FHIT: variants seen among roughly 807,000 people sequenced by gnomAD.
The protein encoded by FHIT is fragile histidine triad diadenosine triphosphatase.
Under a neutral mutation model 17.9 loss-of-function variants are expected in FHIT, and 19 were observed. The ratio of observed to expected loss-of-function variants is 1.06; its 90% CI spans 0.74 to 1.56. FHIT has a LOEUF of 1.56. Ranked by LOEUF, FHIT falls within the 40% of genes most tolerant of loss-of-function variation. The probability of loss-of-function intolerance (pLI) is 0.00; values close to 1 mark genes in which losing one functional copy is unlikely to be tolerated. For missense variants in FHIT, 248 were observed against 189.2 expected (o/e 1.31, Z -1.82); for synonymous variants, 81 against 69.7 (o/e 1.16, Z -0.81).
chr3:60,494,322 T>C (rs550652075), intron 5 of FHIT, among the ~76,000 whole-genome samples: 1 of 152,188 alleles, frequency 6.6e-6, no homozygotes, highest in Non-Finnish European at 1.5e-5. Flanking sequence ...TTTTAGTGTA[T>C]AGTTTTAATT....
At chr3:60,888,846 T>C (rs781237134) in intron 3 of FHIT, among the ~76,000 whole-genome samples, 9 of 152,206 alleles carry the variant, frequency 5.9e-5, no homozygotes, top group Non-Finnish European at 1.2e-4. Flanking sequence ...AGACAGATCT[T>C]TTGTATCCAT....
intron 7 of FHIT, among the ~76,000 whole-genome samples, chr3:59,994,928 A>G (rs1032175436): frequency 2.0e-5 from 3 of 152,112 alleles, no homozygotes. Context: ...AACAGATGGC[A>G]GAGTGTTTGC....
At chr3:60,332,925 A>C (rs1045377727) in intron 5 of FHIT, among the ~76,000 whole-genome samples, 1 of 152,212 alleles carries the variant, frequency 6.6e-6, no homozygotes, top group Admixed American at 6.5e-5. Context: ...CCTAGACACC[A>C]CTTAACGAAA....
chr3:61,015,698 T>A (rs2032071105), intron 3 of FHIT, among the ~76,000 whole-genome samples: 1 of 152,154 alleles, frequency 6.6e-6, no homozygotes. Context: ...AGGAATGTGG[T>A]TCAATCTCTC....
intron 4 of FHIT, among the ~76,000 whole-genome samples, chr3:60,694,741 A>C (rs1487143000): frequency 6.6e-6 from 1 of 152,232 alleles, no homozygotes; most frequent in Non-Finnish European, 1.5e-5. Context: ...GCCATAAAAA[A>C]GGATGACTTC....
chr3:60,704,601 G>A (rs1553703008), intron 4 of FHIT, among the ~76,000 whole-genome samples: 2 of 152,132 alleles, frequency 1.3e-5, no homozygotes, highest in African/African-American at 4.8e-5. Context: ...GCTCCAGGCA[G>A]AAAGAGACAG....
chr3:60,225,298 A>G (rs960202568), intron 5 of FHIT, among the ~76,000 whole-genome samples: 2 of 152,150 alleles, frequency 1.3e-5, no homozygotes, highest in Admixed American at 1.3e-4. Flanking sequence ...TGAACTCAAT[A>G]TTCTTTTGAT....
chr3:60,484,185 T>C (rs1268198745), intron 5 of FHIT, among the ~76,000 whole-genome samples: 2 of 151,610 alleles, frequency 1.3e-5, no homozygotes, highest in African/African-American at 2.4e-5. Flanking sequence ...AGAAAACAAA[T>C]TGGACAACCT....
intron 7 of FHIT, among the ~76,000 whole-genome samples, chr3:59,960,138 G>A (rs1026233005): frequency 3.9e-5 from 6 of 152,166 alleles, no homozygotes; most frequent in Admixed American, 2.6e-4. Flanking sequence ...GTGGGTGGAA[G>A]AAAGGGGACA....
chr3:60,895,405 CCT>C (rs1705738679), intron 3 of FHIT, among the ~76,000 whole-genome samples: 1 of 152,130 alleles, frequency 6.6e-6, no homozygotes, highest in Non-Finnish European at 1.5e-5. Flanking sequence ...TGCAGGTATT[CCT>C]CTTTTTCCCT....
chr3:60,476,327 GAACTCA>G (rs1258228860), intron 5 of FHIT, among the ~76,000 whole-genome samples: 2 of 152,190 alleles, frequency 1.3e-5, no homozygotes, highest in African/African-American at 4.8e-5. Context: ...GGCGCTTTAA[GAACTCA>G]AACTAGGCAA....
intron 2 of FHIT, among the ~76,000 whole-genome samples, chr3:61,190,734 T>A (rs756435921): frequency 3.3e-5 from 5 of 152,128 alleles, no homozygotes; most frequent in Non-Finnish European, 5.9e-5. Flanking sequence ...ATATACACCA[T>A]GGAATACTAT....
intron 5 of FHIT, among the ~76,000 whole-genome samples, chr3:60,337,997 A>T (rs770884599): frequency 6.6e-6 from 1 of 152,108 alleles, no homozygotes; most frequent in Non-Finnish European, 1.5e-5. Flanking sequence ...CCAAGTTTCC[A>T]TTTGTAAGGT....
intron 3 of FHIT, among the ~76,000 whole-genome samples, chr3:60,827,536 A>T (rs1702171764): frequency 1.3e-5 from 2 of 152,230 alleles, no homozygotes; most frequent in African/African-American, 4.8e-5. Context: ...GTGTTGATAA[A>T]CATGATTCCA....
chr3:61,098,762 G>C (rs761819134), intron 2 of FHIT, among the ~76,000 whole-genome samples: 1 of 152,080 alleles, frequency 6.6e-6, no homozygotes, highest in South Asian at 2.1e-4. Context: ...GACTATTGTT[G>C]GTATATAGGA....
chr3:60,909,825 A>G (rs1180855308), intron 3 of FHIT, among the ~76,000 whole-genome samples: 1 of 152,118 alleles, frequency 6.6e-6, no homozygotes, highest in Non-Finnish European at 1.5e-5. Flanking sequence ...TTTAAAAGAT[A>G]CCTAGTGATA....
chr3:60,241,250 A>G (rs949025273), intron 5 of FHIT, among the ~76,000 whole-genome samples: 2 of 152,160 alleles, frequency 1.3e-5, no homozygotes, highest in Admixed American at 6.5e-5. Flanking sequence ...ATCATTCTTT[A>G]TTAGATGCCA....
At chr3:59,906,979 G>A (rs963950142) in intron 8 of FHIT, among the ~76,000 whole-genome samples, 2 of 152,148 alleles carry the variant, frequency 1.3e-5, no homozygotes, top group Non-Finnish European at 2.9e-5. Context: ...AGTTCTCAGG[G>A]CAAGTGATTC....
chr3:60,589,172 T>G (rs1163204802), intron 4 of FHIT, among the ~76,000 whole-genome samples: 1 of 151,374 alleles, frequency 6.6e-6, no homozygotes, highest in Non-Finnish European at 1.5e-5. Context: ...TTAACCTTTT[T>G]ATATAGAGAG....
Sources: allele counts gnomAD v4.1 joint callset (sites outside exome capture counted in the v4.1 genomes callset), GRCh38; gene constraint gnomAD v4.1.1; transcripts MANE v1.5; gene names NCBI Gene and HGNC (gene_info 2026-07-23, HGNC 2026-07-21).